UBN1: variants seen among roughly 807,000 people sequenced by gnomAD.
The protein encoded by UBN1 is ubinuclein-1.
In UBN1, 17 loss-of-function variants were observed where a neutral mutation model predicts 108.5. That is an observed-to-expected ratio of 0.16 (90% CI 0.11 to 0.24). The LOEUF (loss-of-function observed/expected upper bound fraction) is 0.24, where lower values mean the gene tolerates loss of function less well. Ranked by LOEUF, UBN1 falls within the 10% of genes least tolerant of loss-of-function variation. The probability of loss-of-function intolerance (pLI) is 1.00; values close to 1 mark genes in which losing one functional copy is unlikely to be tolerated. For missense variants in UBN1, 1,595 were observed against 1,394.4 expected (o/e 1.14, Z -2.29); for synonymous variants, 726 against 564.2 (o/e 1.29, Z -4.07).
rs2087900294 is a variant in UBN1 at position 4,876,653 on chromosome 16, T to C, written c.3025-218T>C. The stretch of plus-strand genomic sequence containing the variant: ...TAATATCCTGCTTTTAAAAAAATTA[T>C]GTTCCCTGGAATCCATTCCATGTTG... On this transcript the variant is annotated intron_variant, in intron 15 of 17. Transcript: ENST00000262376. Among the ~76,000 whole-genome samples the C allele has an allele frequency of 3.3e-5, 5 of 152,270 alleles. No individual in the cohort carries two copies. In the South Asian group the frequency reaches 6.2e-4, roughly 19 times the overall value.
At chr16:4,871,552 C>T (rs1355885325) in intron 12 of UBN1, among the ~76,000 whole-genome samples, 2 of 148,578 alleles carry the variant, frequency 1.3e-5, no homozygotes, top group Admixed American at 1.3e-4. Context: ...TGATGTTTGG[C>T]CTCCCATCTC....
At position 4,877,296 on chromosome 16, in the gene UBN1, TC is replaced by T; in HGVS notation, c.3266-88del. On this transcript the variant is annotated intron_variant, in intron 16 of 17. Coordinates refer to ENST00000262376, the MANE Select transcript of UBN1 (RefSeq NM_001079514.3). The surrounding 1 kb of genome is among the most constrained non-coding windows in gnomAD (Gnocchi z 4.3). ...GTGCCCAGACTGGCCTGGCAGGTTA[TC>T]GGGGGCTTTTGGCTGCTGGAGCTGC... 6.5e-7 allele frequency: 1 copy of T among 1,541,158 alleles called. No homozygotes were observed. Among genetic ancestry groups the T allele is most frequent in the Admixed American group, 1.8e-5 (1 of 54,520 alleles).
At chr16:4,872,347 A>C (rs1016081450) in intron 12 of UBN1, 1 of 984,046 alleles carries the variant, frequency 1.0e-6, no homozygotes, top group African/African-American at 1.8e-5. Flanking sequence ...AGAGCCATAC[A>C]TTTTCTTGGT....
In UBN1 at chr16:4,858,891, G is replaced by A. The variant is rs2086926288; in HGVS notation, c.433-134G>A. 2.4e-6 allele frequency: 3 copies of A among 1,235,938 alleles called. No homozygotes were observed. The African/African-American group carries it at 4.5e-5, about 19-fold the overall frequency. The allele number at this position is 1,235,938 out of a possible 1,614,324, so 76.6% of individuals were successfully genotyped here. A position where few individuals can be genotyped will look rare whatever the true frequency, so the allele number is the denominator to read the frequency against. The stretch of plus-strand genomic sequence containing the variant: ...AACACCTTGTAGCTCAGACATTCAT[G>A]TTTGACCAGAGGATGTTTTAGCATG... On this transcript the variant is annotated intron_variant, in intron 4 of 17. Coordinates refer to ENST00000262376, the MANE Select transcript of UBN1 (RefSeq NM_001079514.3).
Position 4,852,922 on chromosome 16 carries a change from C to A in UBN1, c.5C>A (p.Ser2Ter). 6.2e-7 allele frequency: 1 copy of A among 1,612,812 alleles called. No individual in the cohort carries two copies. Among genetic ancestry groups the A allele is most frequent in the South Asian group, 1.1e-5 (1 of 90,976 alleles). ...CGCTAAGACTTGTTGGTAGCCATGT[C>A]GGAGCCCCACAGGGTCCAGTTCACC... M[S>*]EPHRVQFTSL... Residue 2 changes from serine to a stop codon, truncating the protein, a stop_gained, in exon 2 of 18, where the codon TCG (serine) becomes TAG (stop). Coordinates refer to ENST00000262376, the MANE Select transcript of UBN1 (RefSeq NM_001079514.3). LOFTEE classifies it high-confidence loss of function.
At position 4,875,229 on chromosome 16, in the gene UBN1, C is replaced by T. The variant is rs1483588316; in HGVS notation, c.2819C>T (p.Pro940Leu). The change falls in exon 15 of 18, where the codon CCC (proline) becomes CTC (leucine). Residue 940 changes from proline to leucine, a missense_variant. Coordinates refer to ENST00000262376, the MANE Select transcript of UBN1 (RefSeq NM_001079514.3). ...SGSLVPGIQP[P>L]SVGQATSRPV... ...AGCCTGGTCCCTGGCATACAGCCTC[C>T]CTCCGTGGGACAGGCCACCAGCCGA... The T allele has an allele frequency of 6.2e-7, 1 of 1,614,234 alleles. No individual in the cohort carries two copies. The highest frequency in any genetic ancestry group is 1.7e-5 in the Admixed American group (1 of 60,030).
chr16:4,868,927 C>G, intron 8 of UBN1, 24 bp downstream of exon 8: 1 of 1,612,378 alleles, frequency 6.2e-7, no homozygotes, highest in Non-Finnish European at 8.5e-7. Context: ...GTCTGTCTGT[C>G]TGTCTGTCTG....
chr16:4,876,755 A>T, intron 15 of UBN1, 116 bp from the exon 16 acceptor site: 1 of 1,469,316 alleles, frequency 6.8e-7, no homozygotes, highest in Non-Finnish European at 9.1e-7. Flanking sequence ...TCTGACATGG[A>T]TGTGTATGTC....
Position 4,859,985 on chromosome 16 carries a change from T to G in UBN1, c.671+17T>G. 1 of 1,613,836 alleles carries G rather than the reference T, an allele frequency of 6.2e-7. No individual in the cohort carries two copies. Among genetic ancestry groups the G allele is most frequent in the South Asian group, 1.1e-5 (1 of 91,060 alleles). ...CAAAGCCGGGTGAGAGGCAGCAGCT[T>G]CTTTGCTAGGATAAAGCCTGAACTG... is the stretch of plus-strand genomic sequence containing the variant. On this transcript the variant is annotated intron_variant, in intron 6 of 17. Coordinates refer to ENST00000262376, the MANE Select transcript of UBN1 (RefSeq NM_001079514.3).
rs1156611241 is a variant in UBN1, at chr16:4,880,339, G to A, written c.*207G>A. 6.9e-6 allele frequency: 4 copies of A among 579,432 alleles called. No homozygotes were observed. Among genetic ancestry groups the A allele is most frequent in the Non-Finnish European group, 1.2e-5 (4 of 322,814 alleles). 35.9% of individuals were successfully genotyped at this position (579,432 alleles called of 1,614,324 possible). A position where few individuals can be genotyped will look rare whatever the true frequency, so the allele number is the denominator to read the frequency against. ...CTGCTCAGGAGGTGCAGACTGCCCC[G>A]TGCTCTGGGCCTTGCAGCTCTGTCG... On this transcript the variant is annotated 3_prime_UTR_variant, in exon 18 of 18. Coordinates refer to ENST00000262376, the MANE Select transcript of UBN1 (RefSeq NM_001079514.3).
chr16:4,874,976 C>T lies in UBN1; in HGVS notation c.2566C>T (p.Pro856Ser), dbSNP rs772390514. ...KTAAKGQGFH[P>S]SAPATSGGLS... is the part of the protein sequence containing the mutation. Reference sequence around the variant, plus strand: ...AGCGGCCAAAGGCCAGGGCTTCCATCCCTCTGCACCAGCCACCTCAGGAGG... The same window carrying T: ...AGCGGCCAAAGGCCAGGGCTTCCATTCCTCTGCACCAGCCACCTCAGGAGG... Residue 856 changes from proline (P) to serine (S), a missense_variant, in exon 15 of 18, where the codon CCC becomes TCC. Transcript: ENST00000262376. The T allele has an allele frequency of 1.2e-6, 2 of 1,614,020 alleles. No individual in the cohort carries two copies. Among genetic ancestry groups the T allele is most frequent in the African/African-American group, 1.3e-5 (1 of 74,950 alleles).
chr16:4,879,639 G>A (rs775077812), intron 17 of UBN1, among the ~76,000 whole-genome samples: 4 of 152,218 alleles, frequency 2.6e-5, no homozygotes, highest in Admixed American at 6.5e-5. Context: ...TTGTGTCTGC[G>A]TTGCTTTCCT....
At chr16:4,850,144 A>G (rs1443672583) in intron 1 of UBN1, among the ~76,000 whole-genome samples, 2 of 152,152 alleles carry the variant, frequency 1.3e-5, no homozygotes, top group African/African-American at 4.8e-5. Context: ...ATTCTCTTAA[A>G]TGTTTCAAAT....
intron 7 of UBN1, 26 bp from the exon 8 acceptor site, chr16:4,868,807 G>T: frequency 1.2e-6 from 2 of 1,612,022 alleles, no homozygotes; most frequent in South Asian, 2.2e-5. Context: ...GTGCACTAAC[G>T]GCTGTTACTG....
Position 4,870,331 on chromosome 16 carries a change from T to TCTATGAACAGGTGGGTGACTCTA in UBN1, c.1302_1311+13dup. The TCTATGAACAGGTGGGTGACTCTA allele has an allele frequency of 6.2e-7, 1 of 1,614,100 alleles. No individual in the cohort carries two copies. Among genetic ancestry groups the TCTATGAACAGGTGGGTGACTCTA allele is most frequent in the East Asian group, 2.2e-5 (1 of 44,866 alleles). On this transcript the variant is annotated frameshift_variant, in exon 9 of 18. Transcript: ENST00000262376. LOFTEE classifies it high-confidence loss of function. Reference sequence around the variant, plus strand: ...CTCAAGCGTGCTCGGAAACTTCACCTCTATGAACAGGTGGGTGACTCTAGA... The same window carrying TCTATGAACAGGTGGGTGACTCTA: ...CTCAAGCGTGCTCGGAAACTTCACCTCTATGAACAGGTGGGTGACTCTACTATGAACAGGTGGGTGACTCTAGA...
In UBN1 at chr16:4,857,613, A is replaced by G. The variant is rs559273621; in HGVS notation, c.250-377A>G. Among the ~76,000 whole-genome samples the G allele has an allele frequency of 5.9e-5, 9 of 152,250 alleles. No homozygotes were observed. The South Asian group carries it at 8.3e-4, about 14-fold the overall frequency. Reference sequence around the variant, plus strand: ...GAGCCCTTGACTATTTTGGAAGTCAATGGACTCTTTCTTAGAATGTTTTTA... The same window carrying G: ...GAGCCCTTGACTATTTTGGAAGTCAGTGGACTCTTTCTTAGAATGTTTTTA... On this transcript the variant is annotated intron_variant, in intron 2 of 17. Transcript: ENST00000262376.
chr16:4,857,369 A>AAT (rs2086866054), intron 2 of UBN1, among the ~76,000 whole-genome samples: 1 of 83,756 alleles, frequency 1.2e-5, no homozygotes, highest in African/African-American at 4.2e-5. Flanking sequence ...AAAAAAAAAA[A>AAT]TTTTTTTTTT....
In UBN1 at chr16:4,875,169, C is replaced by T. The variant is rs369135901; in HGVS notation, c.2759C>T (p.Ser920Leu). 29 of 1,614,246 alleles carry T rather than the reference C, an allele frequency of 1.8e-5. No homozygotes were observed. Among genetic ancestry groups the T allele is most frequent in the East Asian group, 1.1e-4 (5 of 44,882 alleles). ...KHGVSSGSSS[S>L]GGTPVQSSVS... ...GGGGTTTCTTCTGGCAGCTCTTCCT[C>T]GGGAGGAACACCAGTCCAGAGTTCT... The change falls in exon 15 of 18, where the codon TCG becomes TTG. Residue 920 changes from serine to leucine, a missense_variant. Physicochemically the swap from Ser to Leu is moderately radical, Grantham distance 145. This residue lies in a region of UBN1 where 1,398 missense variants were observed against 1,194.7 expected (regional missense o/e 1.17). Coordinates refer to ENST00000262376, the MANE Select transcript of UBN1 (RefSeq NM_001079514.3).
chr16:4,849,355 A>C lies in UBN1; in HGVS notation c.-40+1145A>C, dbSNP rs9926587. Among the ~76,000 whole-genome samples, 1,363 of 152,284 alleles carry C rather than the reference A, an allele frequency of 9.0e-3. 18 individuals are homozygous for C. Among genetic ancestry groups the C allele is most frequent in the African/African-American group, 0.031 (1,301 of 41,542 alleles). ...GTCTGCCTATTTTGAAAACAAAAAC[A>C]AAAACCAAAAAACCCATTAAAATAA... On this transcript the variant is annotated intron_variant, in intron 1 of 17. Coordinates refer to ENST00000262376, the MANE Select transcript of UBN1 (RefSeq NM_001079514.3).
Sources: allele counts gnomAD v4.1 joint callset (sites outside exome capture counted in the v4.1 genomes callset), GRCh38; gene constraint gnomAD v4.1.1; regional missense constraint gnomAD v4.1.1; non-coding constraint Gnocchi (gnomAD v3.1); transcripts MANE v1.5; gene names NCBI Gene and HGNC (gene_info 2026-07-23, HGNC 2026-07-21).